CDH13: variants seen among roughly 807,000 people sequenced by gnomAD.
The protein encoded by CDH13 is cadherin 13.
In CDH13, 24 loss-of-function variants were observed where a neutral mutation model predicts 63.8. That is an observed-to-expected ratio of 0.38 (90% CI 0.27 to 0.53). The LOEUF is 0.53. Among genes scored for constraint, CDH13 ranks in the 20% least tolerant of loss-of-function variants. The pLI is 0.85. For missense variants in CDH13, 1,049 were observed against 903.1 expected, an observed-to-expected ratio of 1.16 and a Z score of -2.07; for synonymous variants, 503 against 355.3, an observed-to-expected ratio of 1.42 and a Z score of -4.67.
At chr16:82,821,438 G>A (rs2037996415) in intron 1 of CDH13, among the ~76,000 whole-genome samples, 1 of 152,158 alleles carries the variant, frequency 6.6e-6, no homozygotes, top group African/African-American at 2.4e-5. Flanking sequence ...TTCAGCCTTA[G>A]GGTGAGCTCT....
chr16:83,775,956 C>T (rs762302896), intron 11 of CDH13, among the ~76,000 whole-genome samples: 5 of 152,016 alleles, frequency 3.3e-5, no homozygotes, highest in African/African-American at 7.3e-5. Context: ...GCCAAATGGG[C>T]TTGTGAGGAA....
intron 6 of CDH13, among the ~76,000 whole-genome samples, chr16:83,457,197 A>G (rs1598064194): frequency 6.6e-6 from 1 of 152,180 alleles, no homozygotes; most frequent in Non-Finnish European, 1.5e-5. Context: ...GGGGGTAATA[A>G]GAGCACTGAC....
At chr16:82,817,014 G>C (rs568218277) in intron 1 of CDH13, among the ~76,000 whole-genome samples, 18 of 152,204 alleles carry the variant, frequency 1.2e-4, no homozygotes, top group African/African-American at 4.1e-4. Flanking sequence ...CTATCCCTTA[G>C]GAGGAGATAT....
At chr16:82,726,127 C>G (rs2033079667) in intron 1 of CDH13, among the ~76,000 whole-genome samples, 1 of 152,228 alleles carries the variant, frequency 6.6e-6, no homozygotes, top group African/African-American at 2.4e-5. Flanking sequence ...GGAAAGATAT[C>G]CAGACGTAAA....
chr16:83,785,210 T>A (rs1464987121), intron 13 of CDH13, among the ~76,000 whole-genome samples: 1 of 152,352 alleles, frequency 6.6e-6, no homozygotes, highest in East Asian at 1.9e-4. Context: ...GGGTGGCTTA[T>A]AAATAACAGA....
chr16:83,434,474 A>C (rs1446165340), intron 6 of CDH13, among the ~76,000 whole-genome samples: 1 of 151,820 alleles, frequency 6.6e-6, no homozygotes, highest in Non-Finnish European at 1.5e-5. Context: ...TCTTCACCCC[A>C]TCTCATTCCA....
chr16:83,034,261 A>T (rs570754854), intron 3 of CDH13, among the ~76,000 whole-genome samples: 1 of 152,270 alleles, frequency 6.6e-6, no homozygotes, highest in South Asian at 2.1e-4. Flanking sequence ...TCAATTGATC[A>T]TTTAGTGGTG....
intron 2 of CDH13, among the ~76,000 whole-genome samples, chr16:82,974,224 C>T (rs1909182688): frequency 6.6e-6 from 1 of 152,186 alleles, no homozygotes; most frequent in Non-Finnish European, 1.5e-5. Context: ...CAGGCGTGAG[C>T]CACCATGCCC....
intron 1 of CDH13, among the ~76,000 whole-genome samples, chr16:82,804,941 A>C (rs1477984993): frequency 2.6e-5 from 4 of 152,202 alleles, no homozygotes; most frequent in Non-Finnish European, 5.9e-5. Flanking sequence ...CCCTATTTTA[A>C]GCAGAATTAT....
Position 82,887,785 on chromosome 16 carries a change from G to A in CDH13, c.157+29312G>A, listed in dbSNP as rs144481234. 1.2e-4 allele frequency among the ~76,000 whole-genome samples: 18 copies of A among 152,180 alleles called. No individual in the cohort carries two copies. The East Asian group carries it at 3.3e-3, about 28-fold the overall frequency. ...TGCAGTGATCTGAGCTCGCACCACT[G>A]CACTCTAGCCTGGGTAACAGAGTGA... On this transcript the variant is annotated intron_variant, in intron 2 of 13. Coordinates refer to ENST00000567109, the MANE Select transcript of CDH13 (RefSeq NM_001257.5).
At chr16:82,678,777 G>A (rs983244684) in intron 1 of CDH13, among the ~76,000 whole-genome samples, 5 of 152,186 alleles carry the variant, frequency 3.3e-5, no homozygotes, top group African/African-American at 1.2e-4. Flanking sequence ...TCCTGAAAAA[G>A]TGTGGGAAGT....
intron 7 of CDH13, among the ~76,000 whole-genome samples, chr16:83,539,458 C>T (rs2075259119): frequency 6.6e-6 from 1 of 152,178 alleles, no homozygotes; most frequent in Non-Finnish European, 1.5e-5. Flanking sequence ...CTGGAGACCC[C>T]TGCCTTAGAA....
chr16:82,794,920 T>G (rs1461977884), intron 1 of CDH13, among the ~76,000 whole-genome samples: 1 of 152,156 alleles, frequency 6.6e-6, no homozygotes, highest in East Asian at 1.9e-4. Flanking sequence ...ATTCAGGACT[T>G]AAAGAAATGG....
intron 6 of CDH13, among the ~76,000 whole-genome samples, chr16:83,434,954 ACATAGGGGTTT>A (rs2072247393): frequency 6.9e-6 from 1 of 145,202 alleles, no homozygotes; most frequent in African/African-American, 2.5e-5. Context: ...TATATATAAA[ACATAGGGGTTT>A]TATTTATATA....
chr16:83,694,004 A>C (rs1183325603), intron 10 of CDH13, among the ~76,000 whole-genome samples: 1 of 152,234 alleles, frequency 6.6e-6, no homozygotes, highest in African/African-American at 2.4e-5. Flanking sequence ...AATCATACCT[A>C]GTCCACTATC....
intron 2 of CDH13, among the ~76,000 whole-genome samples, chr16:82,880,360 G>A (rs1033511938): frequency 3.3e-5 from 5 of 152,046 alleles, no homozygotes; most frequent in East Asian, 1.9e-4. Flanking sequence ...CATGGTACCC[G>A]CTGGGTTGAT....
intron 1 of CDH13, among the ~76,000 whole-genome samples, chr16:82,830,305 G>C (rs2151112320): frequency 6.6e-6 from 1 of 152,312 alleles, no homozygotes; most frequent in Non-Finnish European, 1.5e-5. Flanking sequence ...AGTACTATTA[G>C]AGGTACTGTG....
intron 1 of CDH13, among the ~76,000 whole-genome samples, chr16:82,792,412 A>G (rs893316998): frequency 2.0e-5 from 3 of 152,152 alleles, no homozygotes; most frequent in African/African-American, 7.2e-5. Context: ...GCATCTGATA[A>G]AAAAAAGATC....
intron 7 of CDH13, among the ~76,000 whole-genome samples, chr16:83,557,730 T>A (rs2150681866): frequency 6.6e-6 from 1 of 152,200 alleles, no homozygotes; most frequent in East Asian, 1.9e-4. Flanking sequence ...ATAGTACTGT[T>A]ACTTGGTTGG....
Sources: allele counts gnomAD v4.1 joint callset (sites outside exome capture counted in the v4.1 genomes callset), GRCh38; gene constraint gnomAD v4.1.1; transcripts MANE v1.5; gene names NCBI Gene and HGNC (gene_info 2026-07-23, HGNC 2026-07-21).